Variants in PRDM16 observed in about 807,000 individuals in gnomAD.
The protein encoded by PRDM16 is PR/SET domain 16, also known as histone-lysine N-methyltransferase PRDM16.
Under a neutral mutation model 110.6 loss-of-function variants are expected in PRDM16, and 23 were observed. The ratio of observed to expected loss-of-function variants is 0.21; its 90% CI spans 0.15 to 0.29. The LOEUF (loss-of-function observed/expected upper bound fraction) is 0.29. PRDM16 is among the 10% of genes least tolerant of loss of function. PRDM16 has a pLI of 1.00. For missense variants in PRDM16, 1,615 were observed against 1,794.3 expected, an observed-to-expected ratio of 0.90 and a Z score of 1.81; for synonymous variants, 799 against 781.8, an observed-to-expected ratio of 1.02 and a Z score of -0.37.
intron 3 of PRDM16, chr1:3,307,059 A>C (rs1297984789): frequency 6.6e-6 from 1 of 152,172 alleles, no homozygotes; most frequent in Non-Finnish European, 1.5e-5. Flanking sequence ...GAGGGGCCAC[A>C]TTGTGCTTAT....
chr1:3,435,827 AGGAG>A lies in PRDM16; in HGVS notation c.*2018_*2021del, dbSNP rs1200570550. ...AGACGTGCCACGGGGAGGCTCCTGCAGGAGGCTCAACCCGACGGATCACAGTGAA... is the reference window on the plus strand; with the variant it reads ...AGACGTGCCACGGGGAGGCTCCTGCAGCTCAACCCGACGGATCACAGTGAA... On this transcript the variant is annotated 3_prime_UTR_variant, in exon 17 of 17. Transcript: ENST00000270722. 4.3e-6 allele frequency: 1 copy of A among 232,082 alleles called. No homozygotes were observed. Among genetic ancestry groups the A allele is most frequent in the Non-Finnish European group, 8.5e-6 (1 of 117,352 alleles). 14.4% of individuals were successfully genotyped at this position (232,082 alleles called of 1,614,324 possible).
rs1404488637 is a variant in PRDM16 at position 3,255,751 on chromosome 1, CAGA to C, written c.438+11621_438+11623del. On this transcript the variant is annotated intron_variant, in intron 3 of 16. Transcript: ENST00000270722. The surrounding 1 kb of genome is among the most constrained non-coding windows in gnomAD (Gnocchi z 4.7). ...AGTTGTGAAATATTCCTGGTGGCAG[CAGA>C]AGAAGACAGCAGACACACATAGTCC... 6.6e-6 allele frequency among the ~76,000 whole-genome samples: 1 copy of C among 152,188 alleles called. No individual in the cohort carries two copies. The highest frequency in any genetic ancestry group is 1.5e-5 in the Non-Finnish European group (1 of 68,042).
intron 1 of PRDM16, among the ~76,000 whole-genome samples, chr1:3,141,937 G>A (rs1643557981): frequency 1.3e-5 from 2 of 152,244 alleles, no homozygotes; most frequent in East Asian, 1.9e-4. Flanking sequence ...ACCTTTTCTG[G>A]CCCTCAGGCC....
intron 2 of PRDM16, among the ~76,000 whole-genome samples, chr1:3,236,805 A>G (rs1639550514): frequency 6.6e-6 from 1 of 152,220 alleles, no homozygotes; most frequent in African/African-American, 2.4e-5. Flanking sequence ...TGCACAGAGC[A>G]GGAAGCCATA....
intron 1 of PRDM16, among the ~76,000 whole-genome samples, chr1:3,097,656 TG>T (rs1465144728): frequency 6.6e-6 from 1 of 152,182 alleles, no homozygotes; most frequent in African/African-American, 2.4e-5. Flanking sequence ...ACAGCCCCTC[TG>T]GGGGTCTTGG....
chr1:3,105,352 G>A (rs7519904), intron 1 of PRDM16, among the ~76,000 whole-genome samples: 10,957 of 152,306 alleles, frequency 0.072, 497 homozygotes, highest in Middle Eastern at 0.13. Flanking sequence ...CTGCACTGCA[G>A]CACCCTGTGG....
In PRDM16 at chr1:3,358,095, C is replaced by T. The variant is rs1475895950; in HGVS notation, c.439-27057C>T. Among the ~76,000 whole-genome samples the T allele has an allele frequency of 2.0e-5, 3 of 152,220 alleles. No individual in the cohort carries two copies. The highest frequency in any genetic ancestry group is 1.9e-4 in the East Asian group (1 of 5,186). The stretch of plus-strand genomic sequence containing the variant: ...CGGTGCCCAGTGGCCTGGCCTCACG[C>T]GTGGGTCCATCCCGGAACCACACAG... On this transcript the variant is annotated intron_variant, in intron 3 of 16. Transcript: ENST00000270722. This position sits in a 1 kb window ranked among gnomAD's most constrained non-coding sequence, Gnocchi z 4.0.
chr1:3,176,693 C>T (rs1278065496), intron 1 of PRDM16, among the ~76,000 whole-genome samples: 1 of 151,272 alleles, frequency 6.6e-6, no homozygotes, highest in Admixed American at 6.6e-5. Flanking sequence ...ATGCATTCAT[C>T]CACCATCTGT....
At chr1:3,186,777 A>G (rs760575840) in intron 2 of PRDM16, among the ~76,000 whole-genome samples, 16 of 152,326 alleles carry the variant, frequency 1.1e-4, no homozygotes, top group Admixed American at 8.5e-4. Context: ...AGGCGCGAAC[A>G]CTGCCATCGC....
At chr1:3,162,691 C>T (rs1488226972) in intron 1 of PRDM16, among the ~76,000 whole-genome samples, 4 of 152,232 alleles carry the variant, frequency 2.6e-5, no homozygotes, top group African/African-American at 7.2e-5. Flanking sequence ...GTGGAAAACG[C>T]GGAGCCAGGC....
rs1638727049 is a variant in PRDM16 at position 3,205,183 on chromosome 1, G to A, written c.387+18709G>A. Among the ~76,000 whole-genome samples, 3 of 152,068 alleles carry A rather than the reference G, an allele frequency of 2.0e-5. No individual in the cohort carries two copies. In the South Asian group the frequency reaches 6.2e-4, roughly 32 times the overall value. ...AGAGCCGGGGGGCCAGGGGCAGAAG[G>A]GGAAGGGGGCATTGGAAATAATCCC... On this transcript the variant is annotated intron_variant, in intron 2 of 16. Transcript: ENST00000270722.
intron 2 of PRDM16, among the ~76,000 whole-genome samples, chr1:3,216,421 C>T (rs1639032587): frequency 6.6e-6 from 1 of 152,238 alleles, no homozygotes; most frequent in Admixed American, 6.5e-5. Flanking sequence ...CCCCTGAGCC[C>T]ACCAGGGAAG....
At chr1:3,383,671 A>C (rs547366365) in intron 3 of PRDM16, among the ~76,000 whole-genome samples, 2 of 151,776 alleles carry the variant, frequency 1.3e-5, no homozygotes, top group Non-Finnish European at 2.9e-5. Flanking sequence ...CCAGGCCCGA[A>C]ATGGCTAGGA....
intron 3 of PRDM16, among the ~76,000 whole-genome samples, chr1:3,251,181 A>T (rs35272378): frequency 0.12 from 17,883 of 146,722 alleles, 1,447 homozygotes; most frequent in Admixed American, 0.25. Context: ...TTCCCCACCC[A>T]CCCCTGCCCT....
At chr1:3,242,290 AGCAG>A (rs1639691217) in intron 2 of PRDM16, among the ~76,000 whole-genome samples, 2 of 152,344 alleles carry the variant, frequency 1.3e-5, no homozygotes, top group South Asian at 4.1e-4. Context: ...TGCCTCACGA[AGCAG>A]GCAGGACTGG....
chr1:3,358,901 C>T lies in PRDM16; in HGVS notation c.439-26251C>T, dbSNP rs886638700. ...TGGGCCGCAGAGGAGGTGGGGAAGC[C>T]GTGAAGATGTTCTCCATGGCCGGCT... On this transcript the variant is annotated intron_variant, in intron 3 of 16. Transcript: ENST00000270722. The surrounding 1 kb of genome is among the most constrained non-coding windows in gnomAD (Gnocchi z 4.0). Among the ~76,000 whole-genome samples the T allele has an allele frequency of 6.6e-6, 1 of 152,104 alleles. No homozygotes were observed. The highest frequency in any genetic ancestry group is 1.5e-5 in the Non-Finnish European group (1 of 68,022).
At chr1:3,388,891 C>T (rs534100282) in intron 4 of PRDM16, among the ~76,000 whole-genome samples, 14 of 152,192 alleles carry the variant, frequency 9.2e-5, no homozygotes, top group East Asian at 1.9e-4. Flanking sequence ...TGGGGGCAGA[C>T]GCCACCCCCG....
At chr1:3,412,905 T>C in intron 9 of PRDM16, 105 bp downstream of exon 9, 1 of 968,098 alleles carries the variant, frequency 1.0e-6, no homozygotes, top group Non-Finnish European at 1.4e-6. Flanking sequence ...TCCAAGGTCG[T>C]CCCCCGGCCT....
intron 2 of PRDM16, among the ~76,000 whole-genome samples, chr1:3,219,765 C>T (rs1292002144): frequency 6.6e-6 from 1 of 152,212 alleles, no homozygotes; most frequent in Non-Finnish European, 1.5e-5. Flanking sequence ...GCTCTGTAAC[C>T]GCCCGCCTGC....
Sources: gnomAD v4.1 joint callset for allele counts (sites outside exome capture counted in the v4.1 genomes callset) on GRCh38, gnomAD v4.1.1 for gene constraint, Gnocchi (gnomAD v3.1) non-coding constraint, MANE v1.5 for transcripts, NCBI Gene and HGNC (gene_info 2026-07-23, HGNC 2026-07-21) for gene names.